LAMTOR2: variants seen among roughly 807,000 people sequenced by gnomAD.
LAMTOR2 encodes late endosomal/lysosomal adaptor, MAPK and MTOR activator 2, also known as ragulator complex protein LAMTOR2.
LAMTOR2 carries 4 observed loss-of-function variants against 15.8 expected under a neutral mutation model. The observed-to-expected ratio is 0.25, with a 90% CI of 0.12 to 0.58. LAMTOR2 has a LOEUF of 0.58. Among genes scored for constraint, LAMTOR2 ranks in the 20% least tolerant of loss-of-function variants. The pLI, the probability that LAMTOR2 is intolerant of heterozygous loss-of-function variation, is 0.91. For missense variants in LAMTOR2, 100 were observed against 161.0 expected (o/e 0.62, Z 2.05); for synonymous variants, 62 against 64.1 (o/e 0.97, Z 0.15).
chr1:156,055,183 T>C lies in LAMTOR2; in HGVS notation c.69-80T>C, dbSNP rs965703595. Reference sequence around the variant, plus strand: ...GGCCAGAGCCTTGCTGGATGTGCCCTTGGTGGGACTTGGGATGGAAACCCA... The same window carrying C: ...GGCCAGAGCCTTGCTGGATGTGCCCCTGGTGGGACTTGGGATGGAAACCCA... On this transcript the variant is annotated intron_variant, in intron 1 of 3. Transcript: ENST00000368305. The surrounding 1 kb of genome is among the most constrained non-coding windows in gnomAD (Gnocchi z 4.8). The C allele has an allele frequency of 6.3e-7, 1 of 1,580,952 alleles. No homozygotes were observed. Among genetic ancestry groups the C allele is most frequent in the African/African-American group, 1.3e-5 (1 of 74,412 alleles).
chr1:156,058,016 G>A lies in LAMTOR2; in HGVS notation c.270G>A (p.Leu90=), dbSNP rs1193645649. ...RVAITRVANL[L]LCMYAKETVG... ...CCATCACCCGAGTGGCCAACCTTCT[G>A]CTGTGTATGTATGCCAAGGAGACCG... Residue 90 remains leucine, a synonymous_variant, in exon 3 of 4, where the codon CTG becomes CTA. Transcript: ENST00000368305. 13 of 1,614,050 alleles carry A rather than the reference G, an allele frequency of 8.1e-6. No homozygotes were observed. Among genetic ancestry groups the A allele is most frequent in the Non-Finnish European group, 1.0e-5 (12 of 1,180,026 alleles).
At chr1:156,056,741 T>A (rs16837153) in intron 2 of LAMTOR2, among the ~76,000 whole-genome samples, 35 of 152,126 alleles carry the variant, frequency 2.3e-4, no homozygotes, top group Admixed American at 3.3e-4. Flanking sequence ...AGGATCTTCA[T>A]TGTAACTCAA....
chr1:156,057,367 T>G (rs1366116929), intron 2 of LAMTOR2, among the ~76,000 whole-genome samples: 1 of 151,904 alleles, frequency 6.6e-6, no homozygotes, highest in African/African-American at 2.4e-5. Flanking sequence ...AGGAAAAAAT[T>G]TTTTAAGAAA....
chr1:156,054,852 G>A lies in LAMTOR2; in HGVS notation c.-38G>A. 1 of 1,605,546 alleles carries A rather than the reference G, an allele frequency of 6.2e-7. No individual in the cohort carries two copies. The highest frequency in any genetic ancestry group is 8.5e-7 in the Non-Finnish European group (1 of 1,174,400). On this transcript the variant is annotated 5_prime_UTR_variant, in exon 1 of 4. Coordinates refer to ENST00000368305, the MANE Select transcript of LAMTOR2 (RefSeq NM_014017.4). ...AGCGGCCCGCGGGAGGCACCTCGGA[G>A]ATCTGGGTGCAAAAGCCCAGGGTTA...
rs1363116323 is a variant in LAMTOR2, at chr1:156,058,079, CCCAT to C, written c.321+15_321+18del. ...TGCTCAAGGCCAAGGTGTGTATGTGCCCATCCCTCCATAGCCCTGGGCCCAGCCT... is the reference window on the plus strand; with the variant it reads ...TGCTCAAGGCCAAGGTGTGTATGTGCCCCTCCATAGCCCTGGGCCCAGCCT... On this transcript the variant is annotated intron_variant, in intron 3 of 3. Transcript: ENST00000368305. 1 of 1,612,494 alleles carries C rather than the reference CCCAT, an allele frequency of 6.2e-7. No homozygotes were observed.
Position 156,055,450 on chromosome 1 carries a change from C to T in LAMTOR2, c.231+25C>T, listed in dbSNP as rs1647311866. On this transcript the variant is annotated intron_variant, in intron 2 of 3. Coordinates refer to ENST00000368305, the MANE Select transcript of LAMTOR2 (RefSeq NM_014017.4). This position sits in a 1 kb window ranked among gnomAD's most constrained non-coding sequence, Gnocchi z 4.8. ...GGTATGGAGAGGGGAGCCAGACTTC[C>T]CCTGTCCCCCAAAGGGGATCCCAAG... 11 of 1,614,026 alleles carry T rather than the reference C, an allele frequency of 6.8e-6. No individual in the cohort carries two copies. Among genetic ancestry groups the T allele is most frequent in the Non-Finnish European group, 8.5e-6 (10 of 1,179,980 alleles).
Position 156,058,497 on chromosome 1 carries a change from A to C in LAMTOR2, c.*126A>C. ...TTGTTTTTTCCAAGAATAAACTTCA[A>C]CTCCTGTCATGTGTCTTGGCTACTT... On this transcript the variant is annotated 3_prime_UTR_variant, in exon 4 of 4. Transcript: ENST00000368305. The C allele has an allele frequency of 1.1e-6, 1 of 935,410 alleles. No individual in the cohort carries two copies. The highest frequency in any genetic ancestry group is 1.7e-6 in the Non-Finnish European group (1 of 587,352). The allele number at this position is 935,410 out of a possible 1,614,324, so 57.9% of individuals were successfully genotyped here. A position where few individuals can be genotyped will look rare whatever the true frequency, so the allele number is the denominator to read the frequency against.
chr1:156,055,447 T>G lies in LAMTOR2; in HGVS notation c.231+22T>G. 6.2e-7 allele frequency: 1 copy of G among 1,613,876 alleles called. No homozygotes were observed. The highest frequency in any genetic ancestry group is 1.7e-5 in the Admixed American group (1 of 60,028). ...CATGGTATGGAGAGGGGAGCCAGAC[T>G]TCCCCTGTCCCCCAAAGGGGATCCC... On this transcript the variant is annotated intron_variant, in intron 2 of 3. Coordinates refer to ENST00000368305, the MANE Select transcript of LAMTOR2 (RefSeq NM_014017.4). This position sits in a 1 kb window ranked among gnomAD's most constrained non-coding sequence, Gnocchi z 4.8.
Position 156,055,972 on chromosome 1 carries a change from G to A in LAMTOR2, c.231+547G>A, listed in dbSNP as rs897683954. 1 of 168,972 alleles carries A rather than the reference G, an allele frequency of 5.9e-6. No homozygotes were observed. The highest frequency in any genetic ancestry group is 2.4e-5 in the African/African-American group (1 of 41,862). 10.5% of individuals were successfully genotyped at this position (168,972 alleles called of 1,614,324 possible). A position where few individuals can be genotyped will look rare whatever the true frequency, so the allele number is the denominator to read the frequency against. ...TTCTTAGTATCTGTTCGGTCGACAA[G>A]TATTTAGGTCCTTGCAGTATTCTCA... On this transcript the variant is annotated intron_variant, in intron 2 of 3. Transcript: ENST00000368305. This position sits in a 1 kb window ranked among gnomAD's most constrained non-coding sequence, Gnocchi z 4.8.
Position 156,055,047 on chromosome 1 carries a change from AG to A in LAMTOR2, c.68+93del. 1 of 1,473,182 alleles carries A rather than the reference AG, an allele frequency of 6.8e-7. No individual in the cohort carries two copies. Among genetic ancestry groups the A allele is most frequent in the Non-Finnish European group, 9.4e-7 (1 of 1,062,266 alleles). 91.3% of individuals were successfully genotyped at this position (1,473,182 alleles called of 1,614,324 possible). A position where few individuals can be genotyped will look rare whatever the true frequency, so the allele number is the denominator to read the frequency against. ...GAGGGGTGGGGAAGGATCACCAGGA[AG>A]GGAGGAAGCGGCAGAGGGGGCAGCG... On this transcript the variant is annotated intron_variant, in intron 1 of 3. Coordinates refer to ENST00000368305, the MANE Select transcript of LAMTOR2 (RefSeq NM_014017.4). This position sits in a 1 kb window ranked among gnomAD's most constrained non-coding sequence, Gnocchi z 4.8.
Position 156,055,589 on chromosome 1 carries a change from AGTG to A in LAMTOR2, c.231+171_231+173del. Reference sequence around the variant, plus strand: ...GTAATAGGCAGGACCCTATTCATCAAGTGGTGGTGAGGAAGGATCCCTGGACCT... The same window carrying A: ...GTAATAGGCAGGACCCTATTCATCAAGTGGTGAGGAAGGATCCCTGGACCT... On this transcript the variant is annotated intron_variant, in intron 2 of 3. Transcript: ENST00000368305. The surrounding 1 kb of genome is among the most constrained non-coding windows in gnomAD (Gnocchi z 4.8). 2 of 753,962 alleles carry A rather than the reference AGTG, an allele frequency of 2.7e-6. No homozygotes were observed. Among genetic ancestry groups the A allele is most frequent in the South Asian group, 1.7e-5 (1 of 59,628 alleles). 46.7% of individuals were successfully genotyped at this position (753,962 alleles called of 1,614,324 possible).
In LAMTOR2 at chr1:156,055,644, C is replaced by T. The variant is rs1207241971; in HGVS notation, c.231+219C>T. 5.9e-5 allele frequency: 35 copies of T among 589,354 alleles called. No individual in the cohort carries two copies. In the East Asian group the frequency reaches 1.0e-3, roughly 17 times the overall value. The allele number at this position is 589,354 out of a possible 1,614,324, so 36.5% of individuals were successfully genotyped here. ...AGAGGTCTGACTTGGGTTCTGGTCT[C>T]AGCCATCCACTTATCAGTTGTGGAA... is the stretch of plus-strand genomic sequence containing the variant. On this transcript the variant is annotated intron_variant, in intron 2 of 3. Coordinates refer to ENST00000368305, the MANE Select transcript of LAMTOR2 (RefSeq NM_014017.4). The surrounding 1 kb of genome is among the most constrained non-coding windows in gnomAD (Gnocchi z 4.8).
rs764426295 is a variant in LAMTOR2, at chr1:156,055,397, A to G, written c.203A>G (p.Asn68Ser). 1 of 1,614,208 alleles carries G rather than the reference A, an allele frequency of 6.2e-7. No homozygotes were observed. Among genetic ancestry groups the G allele is most frequent in the Non-Finnish European group, 8.5e-7 (1 of 1,180,034 alleles). The change falls in exon 2 of 4, where the codon AAT (asparagine) becomes AGT (serine). Residue 68 changes from asparagine to serine, a missense_variant. Physicochemically the swap from Asn to Ser is conservative, Grantham distance 46 (BLOSUM62 1). Coordinates refer to ENST00000368305, the MANE Select transcript of LAMTOR2 (RefSeq NM_014017.4). This position sits in a 1 kb window ranked among gnomAD's most constrained non-coding sequence, Gnocchi z 4.8. Reference protein sequence around the residue: ...RNGNQAFNEDNLKFILMDCME... With the variant: ...RNGNQAFNEDSLKFILMDCME... ...GGGAACCAAGCGTTTAATGAAGACAATCTCAAATTCATCCTCATGGACTGC... is the reference window on the plus strand; with the variant it reads ...GGGAACCAAGCGTTTAATGAAGACAGTCTCAAATTCATCCTCATGGACTGC...
In LAMTOR2 at chr1:156,057,177, CA is replaced by C. The variant is rs1002332400; in HGVS notation, c.232-782del. On this transcript the variant is annotated intron_variant, in intron 2 of 3. Transcript: ENST00000368305. Reference sequence around the variant, plus strand: ...TGGGCAACAGAGCAAGACTCCATCTCAAAAAAAAAAAAAAAAAAAGAAATAC... The same window carrying C: ...TGGGCAACAGAGCAAGACTCCATCTCAAAAAAAAAAAAAAAAAAGAAATAC... 4.7e-3 allele frequency among the ~76,000 whole-genome samples: 397 copies of C among 84,884 alleles called. 1 individual carries two copies. Among genetic ancestry groups the C allele is most frequent in the Middle Eastern group, 0.029 (4 of 136 alleles). 55.7% of individuals were successfully genotyped at this position (84,884 alleles called of 152,430 possible). A position where few individuals can be genotyped will look rare whatever the true frequency, so the allele number is the denominator to read the frequency against.
At chr1:156,057,670 T>C (rs1222913838) in intron 2 of LAMTOR2, among the ~76,000 whole-genome samples, 3 of 152,122 alleles carry the variant, frequency 2.0e-5, no homozygotes, top group Admixed American at 1.3e-4. Flanking sequence ...TTGGCAGATA[T>C]GAAATTTCAT....
rs137889065 is a variant in LAMTOR2, at chr1:156,056,303, C to T, written c.231+878C>T. ...AGGCGTGAGTCACTGTGCCTGGCCA[C>T]ATTTTTTAAAATAAGTAAAATATAT... On this transcript the variant is annotated intron_variant, in intron 2 of 3. Coordinates refer to ENST00000368305, the MANE Select transcript of LAMTOR2 (RefSeq NM_014017.4). 4.2e-3 allele frequency among the ~76,000 whole-genome samples: 636 copies of T among 152,218 alleles called. 4 individuals carry two copies. The highest frequency in any genetic ancestry group is 0.031 in the Middle Eastern group (9 of 294).
intron 2 of LAMTOR2, 152 bp from the exon 3 acceptor site, chr1:156,057,826 G>C: frequency 1.4e-6 from 1 of 703,864 alleles, no homozygotes; most frequent in South Asian, 1.7e-5. Context: ...CATGTTCAGG[G>C]CTGTGGCCAA....
At chr1:156,056,663 A>G (rs747767498) in intron 2 of LAMTOR2, among the ~76,000 whole-genome samples, 2 of 152,120 alleles carry the variant, frequency 1.3e-5, no homozygotes, top group Non-Finnish European at 2.9e-5. Context: ...TACAATAAAT[A>G]CCTAGTAAAA....
chr1:156,057,779 G>A (rs1166784610), intron 2 of LAMTOR2, among the ~76,000 whole-genome samples, 199 bp from the exon 3 acceptor site: 1 of 152,188 alleles, frequency 6.6e-6, no homozygotes, highest in Admixed American at 6.5e-5. Flanking sequence ...TGGTTAGTAG[G>A]TGGCTGTGCT....
Sources: gnomAD v4.1 joint callset for allele counts (sites outside exome capture counted in the v4.1 genomes callset) on GRCh38, gnomAD v4.1.1 for gene constraint, Gnocchi (gnomAD v3.1) non-coding constraint, MANE v1.5 for transcripts, NCBI Gene and HGNC (gene_info 2026-07-23, HGNC 2026-07-21) for gene names.